Variants in NFIB observed in about 807,000 individuals in gnomAD.
The protein encoded by NFIB is nuclear factor 1 B-type.
Under a neutral mutation model 61.5 loss-of-function variants are expected in NFIB, and 11 were observed. The ratio of observed to expected loss-of-function variants is 0.18; its 90% CI spans 0.11 to 0.30. NFIB has a LOEUF of 0.30. Ranked by LOEUF, NFIB falls within the 10% of genes least tolerant of loss-of-function variation. The pLI is 1.00. For missense variants in NFIB, 471 were observed against 608.9 expected, an observed-to-expected ratio of 0.77 and a Z score of 2.38; for synonymous variants, 260 against 216.5, an observed-to-expected ratio of 1.20 and a Z score of -1.76.
At chr9:14,276,257 G>GAA (rs2057990672) in intron 2 of NFIB, among the ~76,000 whole-genome samples, 1 of 152,070 alleles carries the variant, frequency 6.6e-6, no homozygotes, top group Non-Finnish European at 1.5e-5. Context: ...TATCTGTTGG[G>GAA]GTAGTTGCTT....
In NFIB at chr9:14,240,147, T is replaced by C. The variant is rs1814740754; in HGVS notation, c.563-60367A>G. ...TATAAATTGCATACATAAAAGTTCCTGTGTAGCCTATGGAAACATTTTAAA... is the reference window on the plus strand; with the variant it reads ...TATAAATTGCATACATAAAAGTTCCCGTGTAGCCTATGGAAACATTTTAAA... On this transcript the variant is annotated intron_variant, in intron 2 of 10. Coordinates refer to ENST00000380953, the MANE Select transcript of NFIB (RefSeq NM_001190737.2). Among the ~76,000 whole-genome samples, 5 of 152,268 alleles carry C rather than the reference T, an allele frequency of 3.3e-5. No homozygotes were observed. The South Asian group carries it at 1.0e-3, about 32-fold the overall frequency.
the NFIB span, among the ~76,000 whole-genome samples, chr9:14,499,818 A>G: frequency 6.6e-6 from 1 of 152,126 alleles, no homozygotes; most frequent in Non-Finnish European, 1.5e-5. Flanking sequence ...GAGACTACTT[A>G]ATCAGAGAGC....
At chr9:14,164,036 A>T (rs2131297457) in intron 3 of NFIB, among the ~76,000 whole-genome samples, 1 of 152,042 alleles carries the variant, frequency 6.6e-6, no homozygotes, top group African/African-American at 2.4e-5. Context: ...CTTACCATAA[A>T]AGAAAGAACA....
chr9:14,446,343 C>T, the NFIB span, among the ~76,000 whole-genome samples: 3 of 152,130 alleles, frequency 2.0e-5, no homozygotes, highest in Non-Finnish European at 4.4e-5. Context: ...GCTTAATTCC[C>T]CTTGTCTTAT....
the NFIB span, among the ~76,000 whole-genome samples, chr9:14,499,033 TGTGTGCAC>T: frequency 6.6e-6 from 1 of 151,764 alleles, no homozygotes; most frequent in African/African-American, 2.4e-5. Flanking sequence ...TGCACGTGTG[TGTGTGCAC>T]GTGTGTACGT....
the NFIB span, among the ~76,000 whole-genome samples, chr9:14,492,318 A>G: frequency 3.3e-5 from 5 of 152,000 alleles, no homozygotes; most frequent in African/African-American, 9.7e-5. Flanking sequence ...AGCCGAGATC[A>G]CGCCACTGCA....
the NFIB span, among the ~76,000 whole-genome samples, chr9:14,420,268 G>A: frequency 7.2e-5 from 11 of 151,730 alleles, no homozygotes; most frequent in South Asian, 2.1e-4. Context: ...CCAATATGGC[G>A]AAACCTCATC....
chr9:14,143,571 G>A (rs1208516679), intron 6 of NFIB, among the ~76,000 whole-genome samples: 3 of 152,120 alleles, frequency 2.0e-5, no homozygotes, highest in Admixed American at 2.0e-4. Context: ...ATAATTAATA[G>A]TAAATTTTAA....
intron 3 of NFIB, among the ~76,000 whole-genome samples, chr9:14,162,160 T>C (rs2044272896): frequency 6.6e-6 from 1 of 151,982 alleles, no homozygotes; most frequent in African/African-American, 2.4e-5. Context: ...AAAATAGAAA[T>C]TGTGCTAGCA....
intron 2 of NFIB, among the ~76,000 whole-genome samples, chr9:14,234,715 T>C (rs892730871): frequency 6.6e-6 from 1 of 152,150 alleles, no homozygotes; most frequent in Admixed American, 6.5e-5. Context: ...AGCATATTTT[T>C]AATTTAATTT....
the NFIB span, among the ~76,000 whole-genome samples, chr9:14,530,173 G>C: frequency 7.9e-5 from 12 of 152,142 alleles, no homozygotes; most frequent in African/African-American, 2.7e-4. Context: ...TTAAGAGGCA[G>C]GGTAACTATT....
chr9:14,497,634 T>C, the NFIB span, among the ~76,000 whole-genome samples: 1 of 152,250 alleles, frequency 6.6e-6, no homozygotes, highest in South Asian at 2.1e-4. Flanking sequence ...GAGGGAATTC[T>C]GTAATGAGTC....
At chr9:14,379,134 T>G (rs1366138730) in intron 1 of NFIB, among the ~76,000 whole-genome samples, 2 of 152,202 alleles carry the variant, frequency 1.3e-5, no homozygotes, top group African/African-American at 2.4e-5. Flanking sequence ...TCTTACCATC[T>G]GGTGTATCTC....
intron 1 of NFIB, among the ~76,000 whole-genome samples, chr9:14,392,953 A>C (rs1174923139): frequency 1.3e-5 from 2 of 152,080 alleles, no homozygotes; most frequent in African/African-American, 2.4e-5. Context: ...AACTTCCACC[A>C]CCTTAAGTGT....
At chr9:14,321,807 G>T in intron 1 of NFIB, 1 of 1,066,246 alleles carries the variant, frequency 9.4e-7, no homozygotes, top group South Asian at 4.9e-5. Context: ...AAACAAAAAT[G>T]ACATTTAGGA....
Position 14,231,135 on chromosome 9 carries a change from A to AAAAAAAAAAATAT in NFIB, c.563-51356_563-51355insATATTTTTTTTTT, listed in dbSNP as rs55959148. ...TTTCCATGGGGAAAAAAAAAAAAAA[A>AAAAAAAAAAATAT]ATATATATATATATATATATATATA... On this transcript the variant is annotated intron_variant, in intron 2 of 10. Coordinates refer to ENST00000380953, the MANE Select transcript of NFIB (RefSeq NM_001190737.2). Among the ~76,000 whole-genome samples the AAAAAAAAAAATAT allele has an allele frequency of 1.7e-4, 6 of 35,344 alleles. 1 individual carries two copies. The highest frequency in any genetic ancestry group is 3.2e-4 in the Non-Finnish European group (6 of 18,498). 23.2% of individuals were successfully genotyped at this position (35,344 alleles called of 152,430 possible).
chr9:14,475,442 A>T, the NFIB span, among the ~76,000 whole-genome samples: 1 of 152,210 alleles, frequency 6.6e-6, no homozygotes, highest in Non-Finnish European at 1.5e-5. Flanking sequence ...TGGACGGTAC[A>T]GTTCAGGAAG....
chr9:14,236,754 A>C (rs1040670668), intron 2 of NFIB, among the ~76,000 whole-genome samples: 2 of 152,114 alleles, frequency 1.3e-5, no homozygotes, highest in Non-Finnish European at 2.9e-5. Context: ...CTGGGTAGGA[A>C]ATGTATTGGT....
At chr9:14,323,818 A>T (rs1465136088) in intron 1 of NFIB, among the ~76,000 whole-genome samples, 1 of 152,238 alleles carries the variant, frequency 6.6e-6, no homozygotes, top group Non-Finnish European at 1.5e-5. Flanking sequence ...TGGCCTTATT[A>T]CCAAAAAAAA....
Sources: allele counts gnomAD v4.1 joint callset (sites outside exome capture counted in the v4.1 genomes callset), GRCh38; gene constraint gnomAD v4.1.1; transcripts MANE v1.5; gene names NCBI Gene and HGNC (gene_info 2026-07-23, HGNC 2026-07-21).